Variants in VWF observed in about 807,000 individuals in gnomAD.
VWF encodes Factor VIII related antigen.
Under a neutral mutation model 308.6 loss-of-function variants are expected in VWF, and 176 were observed. The ratio of observed to expected loss-of-function variants is 0.57; its 90% CI spans 0.50 to 0.65. The LOEUF (loss-of-function observed/expected upper bound fraction) is 0.65, where lower values mean the gene tolerates loss of function less well. VWF is among the 30% of genes least tolerant of loss of function. The pLI is 0.00. For synonymous variants in VWF, 1,385 were observed against 1,443.4 expected (o/e 0.96, Z 0.92); for missense variants, 3,146 against 3,648.2 (o/e 0.86, Z 3.55).
Position 6,020,353 on chromosome 12 carries a change from T to C in VWF, c.3675-610A>G, listed in dbSNP as rs903330129. Among the ~76,000 whole-genome samples, 2 of 152,216 alleles carry C rather than the reference T, an allele frequency of 1.3e-5. No individual in the cohort carries two copies. The highest frequency in any genetic ancestry group is 2.9e-5 in the Non-Finnish European group (2 of 68,024). On this transcript the variant is annotated intron_variant, in intron 27 of 51. Coordinates refer to ENST00000261405, the MANE Select transcript of VWF (RefSeq NM_000552.5). This position sits in a 1 kb window ranked among gnomAD's most constrained non-coding sequence, Gnocchi z 4.3. The stretch of plus-strand genomic sequence containing the variant: ...CAGCTTTATCTAGCAGAACAAATTA[T>C]TTGGGAGTAGCAGACAGGGGTCTCC...
At chr12:6,122,545 T>C (rs550452532) in intron 2 of VWF, among the ~76,000 whole-genome samples, 3 of 152,292 alleles carry the variant, frequency 2.0e-5, no homozygotes. Context: ...GTATTTTTTT[T>C]CCCAGACTCA....
At chr12:5,952,585 T>C in intron 48 of VWF, 66 bp from the exon 49 acceptor site, 1 of 1,587,762 alleles carries the variant, frequency 6.3e-7, no homozygotes, top group Non-Finnish European at 8.6e-7. Context: ...CTTCAAACCA[T>C]GAGCTTGACT....
intron 50 of VWF, 45 bp downstream of exon 50, chr12:5,951,799 T>C (rs1021481290): frequency 6.2e-7 from 1 of 1,611,168 alleles, no homozygotes; most frequent in African/African-American, 1.3e-5. Flanking sequence ...CCCCTGGACT[T>C]GCTCTGATGG....
At chr12:5,963,631 A>G (rs1028699143) in intron 47 of VWF, among the ~76,000 whole-genome samples, 2 of 152,138 alleles carry the variant, frequency 1.3e-5, no homozygotes, top group African/African-American at 4.8e-5. Flanking sequence ...TGGCACCCCT[A>G]CACTCACAGA....
chr12:5,985,668 G>A lies in VWF; in HGVS notation c.6799-3C>T. On this transcript the variant is annotated splice_region_variant and splice_polypyrimidine_tract_variant and intron_variant, in intron 38 of 51. Transcript: ENST00000261405. The stretch of plus-strand genomic sequence containing the variant: ...TCCGGGACCCAGGCTTCCAGGAACT[G>A]AGGGCAAAGCGAGGTTCAGAAAGGG... 6.2e-7 allele frequency: 1 copy of A among 1,613,882 alleles called. No homozygotes were observed. Among genetic ancestry groups the A allele is most frequent in the Non-Finnish European group, 8.5e-7 (1 of 1,179,844 alleles).
chr12:6,073,900 CCT>C (rs1012963990), intron 7 of VWF, among the ~76,000 whole-genome samples, 159 bp from the exon 8 acceptor site: 19 of 152,292 alleles, frequency 1.2e-4, no homozygotes, highest in East Asian at 5.8e-4. Context: ...CACGTGCCCC[CCT>C]GAGGCCACCC....
At chr12:6,014,707 G>A (rs1183333015) in intron 31 of VWF, among the ~76,000 whole-genome samples, 8 of 152,160 alleles carry the variant, frequency 5.3e-5, no homozygotes. Context: ...AGGTGAGGCT[G>A]GAGATACGAA....
chr12:6,066,483 T>G (rs1944715918), intron 10 of VWF, among the ~76,000 whole-genome samples: 1 of 152,246 alleles, frequency 6.6e-6, no homozygotes, highest in South Asian at 2.1e-4. Context: ...ACGGTGCATG[T>G]GTGAGTTCCT....
rs568659517 is a variant in VWF at position 6,011,837 on chromosome 12, G to A, written c.5665-43C>T. 29 of 1,508,158 alleles carry A rather than the reference G, an allele frequency of 1.9e-5. No individual in the cohort carries two copies. The East Asian group carries it at 6.1e-4, about 32-fold the overall frequency. The allele number at this position is 1,508,158 out of a possible 1,614,324, so 93.4% of individuals were successfully genotyped here. A position where few individuals can be genotyped will look rare whatever the true frequency, so the allele number is the denominator to read the frequency against. On this transcript the variant is annotated intron_variant, in intron 33 of 51. Coordinates refer to ENST00000261405, the MANE Select transcript of VWF (RefSeq NM_000552.5). ...AGATTCAGGCAGGGAATAAGATGAG[G>A]TACTCCAACTCTAAGCCCATCTGCC...
Position 6,018,385 on chromosome 12 carries a change from G to A in VWF, c.5033C>T (p.Pro1678Leu), listed in dbSNP as rs1466659084. ...RCCSGEGLQI[P>L]TLSPAPDCSQ... ...CATACCAGGTGCAGGGGAGAGGGTG[G>A]GGATCTGCAGCCCCTCTCCGGAGCA... is the stretch of plus-strand genomic sequence containing the variant. The change falls in exon 28 of 52, where the codon CCC becomes CTC. Residue 1678 changes from proline to leucine, a missense_variant. Around this residue, in one of 3 missense-constraint regions of VWF, gnomAD observed 853 missense variants for 1,177.8 expected, o/e 0.72. Coordinates refer to ENST00000261405, the MANE Select transcript of VWF (RefSeq NM_000552.5). 2 of 1,611,830 alleles carry A rather than the reference G, an allele frequency of 1.2e-6. No homozygotes were observed. The highest frequency in any genetic ancestry group is 2.2e-5 in the South Asian group (2 of 90,934).
chr12:5,996,750 C>CA (rs61616182), intron 34 of VWF, among the ~76,000 whole-genome samples: 3,012 of 59,784 alleles, frequency 0.05, 78 homozygotes, highest in African/African-American at 0.095. Flanking sequence ...TTTCCAGAGC[C>CA]AAAAAAAAAA....
intron 3 of VWF, among the ~76,000 whole-genome samples, chr12:6,118,668 T>C (rs1436956840): frequency 6.6e-6 from 1 of 152,060 alleles, no homozygotes; most frequent in Admixed American, 6.6e-5. Flanking sequence ...ACTGCAAGCA[T>C]GAGCCATTGC....
At position 6,057,991 on chromosome 12, in the gene VWF, G is replaced by A. The variant is rs1245403050; in HGVS notation, c.1587C>T (p.Gly529=). The change falls in exon 14 of 52, where the codon GGC becomes GGT. Residue 529 remains glycine (G), a synonymous_variant. Transcript: ENST00000261405. Reference sequence around the variant, plus strand: ...GGGTAAGGAAGTCGTCGCCCTGGTTGCCATTGTAATTCCCACACAGGCCGC... The same window carrying A: ...GGGTAAGGAAGTCGTCGCCCTGGTTACCATTGTAATTCCCACACAGGCCGC... ...KTCGLCGNYN[G]NQGDDFLTPS... is the part of the protein sequence containing the mutation. 1 of 1,613,582 alleles carries A rather than the reference G, an allele frequency of 6.2e-7. No individual in the cohort carries two copies. The highest frequency in any genetic ancestry group is 1.7e-5 in the Admixed American group (1 of 60,028).
At chr12:6,041,487 C>T (rs1944395507) in intron 18 of VWF, among the ~76,000 whole-genome samples, 1 of 151,512 alleles carries the variant, frequency 6.6e-6, no homozygotes, top group Non-Finnish European at 1.5e-5. Context: ...CTCGCTCTGT[C>T]GCTCAGGCTG....
Position 6,095,548 on chromosome 12 carries a change from G to A in VWF, c.569C>T (p.Ser190Leu), listed in dbSNP as rs778239123. ...CTGTTCTCCACTGCTCAGAGCCCAT[G>A]AGTTGGCAAAGTCATAAGGGTCCGA... is the stretch of plus-strand genomic sequence containing the variant. ...LTSDPYDFAN[S>L]WALSSGEQWC... is the part of the protein sequence containing the mutation. Residue 190 changes from serine to leucine, a missense_variant, in exon 6 of 52, where the codon TCA becomes TTA. Ser to Leu is a moderately radical substitution (Grantham distance 145). Transcript: ENST00000261405. The A allele has an allele frequency of 6.2e-7, 1 of 1,614,226 alleles. No homozygotes were observed.
chr12:6,026,297 T>C (rs1025455297), intron 22 of VWF, among the ~76,000 whole-genome samples: 4 of 152,128 alleles, frequency 2.6e-5, no homozygotes, highest in Non-Finnish European at 5.9e-5. Flanking sequence ...AACATGCCCA[T>C]GTCACATAGT....
At chr12:6,072,870 C>T (rs1591900587) in intron 8 of VWF, among the ~76,000 whole-genome samples, 1 of 146,440 alleles carries the variant, frequency 6.8e-6, no homozygotes, top group Non-Finnish European at 1.5e-5. Flanking sequence ...CTCTCAATAA[C>T]TTTTTTTTTT....
chr12:6,072,585 A>C, intron 8 of VWF, 143 bp from the exon 9 acceptor site: 1 of 721,878 alleles, frequency 1.4e-6, no homozygotes. Flanking sequence ...CTTTCACATA[A>C]TGCAATATAA....
At chr12:6,034,865 TTGGGTTTGAGGGGCCCA>T in intron 19 of VWF, 39 bp from the exon 20 acceptor site, 1 of 1,611,106 alleles carries the variant, frequency 6.2e-7, no homozygotes, top group Non-Finnish European at 8.5e-7. Flanking sequence ...GTTGGGCACC[TTGGGTTTGAGGGGCCCA>T]TCTGGGCCAT....
Sources: allele counts gnomAD v4.1 joint callset (sites outside exome capture counted in the v4.1 genomes callset), GRCh38; gene constraint gnomAD v4.1.1; regional missense constraint gnomAD v4.1.1; non-coding constraint Gnocchi (gnomAD v3.1); transcripts MANE v1.5; gene names NCBI Gene and HGNC (gene_info 2026-07-23, HGNC 2026-07-21).